The following CAMTA1 variants were observed in gnomAD, a reference collection of about 807,000 sequenced individuals.
CAMTA1 encodes the protein calmodulin-binding transcription activator 1.
A neutral mutation model predicts 170.9 loss-of-function variants in CAMTA1; 27 were observed. The ratio of observed to expected loss-of-function variants is 0.16; its 90% CI spans 0.12 to 0.22. The LOEUF (loss-of-function observed/expected upper bound fraction) is 0.22. Ranked by LOEUF, CAMTA1 falls within the 10% of genes least tolerant of loss-of-function variation. The pLI, the probability that CAMTA1 is intolerant of heterozygous loss-of-function variation, is 1.00. For missense variants in CAMTA1, 1,619 were observed against 2,217.2 expected (o/e 0.73, Z 5.42); for synonymous variants, 833 against 891.5 (o/e 0.93, Z 1.17).
At chr1:7,747,378 A>T (rs1256007979) in intron 18 of CAMTA1, among the ~76,000 whole-genome samples, 1 of 152,232 alleles carries the variant, frequency 6.6e-6, no homozygotes, top group African/African-American at 2.4e-5. Flanking sequence ...TTAATCATTG[A>T]TCCAAAAGTA....
chr1:6,794,501 T>G (rs1433258069), intron 1 of CAMTA1, among the ~76,000 whole-genome samples: 1 of 152,074 alleles, frequency 6.6e-6, no homozygotes, highest in Non-Finnish European at 1.5e-5. Flanking sequence ...TTGCTTAAAT[T>G]AAAAAAAATC....
At chr1:7,177,273 C>T (rs1651048918) in intron 4 of CAMTA1, among the ~76,000 whole-genome samples, 1 of 151,358 alleles carries the variant, frequency 6.6e-6, no homozygotes, top group South Asian at 2.1e-4. Context: ...CCCTTCCCAA[C>T]ACGCAGGCTC....
intron 6 of CAMTA1, among the ~76,000 whole-genome samples, chr1:7,618,875 A>T (rs1228467708): frequency 1.3e-5 from 2 of 152,168 alleles, no homozygotes; most frequent in Admixed American, 1.3e-4. Context: ...TTGGATTTCA[A>T]TGTAGAGCCA....
At chr1:7,741,662 A>G (rs1279534297) in intron 16 of CAMTA1, among the ~76,000 whole-genome samples, 1 of 152,154 alleles carries the variant, frequency 6.6e-6, no homozygotes, top group Admixed American at 6.5e-5. Context: ...TGGGAGGCCA[A>G]GGTGGGAGGA....
At position 7,480,996 on chromosome 1, in the gene CAMTA1, G is replaced by A. The variant is rs547228364; in HGVS notation, c.510+13095G>A. Among the ~76,000 whole-genome samples, 7 of 152,252 alleles carry A rather than the reference G, an allele frequency of 4.6e-5. No homozygotes were observed. The East Asian group carries it at 7.7e-4, about 17-fold the overall frequency. On this transcript the variant is annotated intron_variant, in intron 6 of 22. Transcript: ENST00000303635. ...TGCCTTAGAGCATCGATGGCTCGCC[G>A]TCATGCAGAGGCTCAAGCCAACCCT...
intron 5 of CAMTA1, among the ~76,000 whole-genome samples, chr1:7,332,069 A>G (rs1396985915): frequency 1.3e-5 from 2 of 152,210 alleles, no homozygotes; most frequent in African/African-American, 4.8e-5. Context: ...CTCTGGGATC[A>G]TGCTTCACAG....
chr1:6,940,800 C>A (rs1041727971), intron 3 of CAMTA1, among the ~76,000 whole-genome samples: 1 of 130,320 alleles, frequency 7.7e-6, no homozygotes, highest in African/African-American at 2.9e-5. Context: ...CACACAGCCC[C>A]CTTCCTCACC....
chr1:7,197,835 G>T (rs113281620), intron 4 of CAMTA1, among the ~76,000 whole-genome samples: 1,999 of 152,118 alleles, frequency 0.013, 44 homozygotes, highest in African/African-American at 0.044. Context: ...TTCAAATCCA[G>T]GTCATGCCCC....
At chr1:6,879,034 A>G (rs1367112145) in intron 3 of CAMTA1, among the ~76,000 whole-genome samples, 3 of 152,204 alleles carry the variant, frequency 2.0e-5, no homozygotes, top group Non-Finnish European at 2.9e-5. Flanking sequence ...AGTAATTTCT[A>G]CTTTGCTGAA....
chr1:6,796,730 C>G (rs968949994), intron 1 of CAMTA1, among the ~76,000 whole-genome samples: 4 of 152,116 alleles, frequency 2.6e-5, no homozygotes, highest in Non-Finnish European at 5.9e-5. Context: ...ACTCCGGTTT[C>G]TCCTCTAGGG....
intron 6 of CAMTA1, among the ~76,000 whole-genome samples, chr1:7,556,073 T>C (rs1355570748): frequency 6.6e-6 from 1 of 152,048 alleles, no homozygotes; most frequent in East Asian, 1.9e-4. Flanking sequence ...CCGGGGGCAA[T>C]GTGGGCAGAG....
intron 11 of CAMTA1, among the ~76,000 whole-genome samples, chr1:7,696,301 A>G (rs543361900): frequency 1.3e-5 from 2 of 152,026 alleles, no homozygotes; most frequent in Non-Finnish European, 2.9e-5. Context: ...GGTTCAAGCA[A>G]TTCTCCTGCC....
chr1:7,638,609 T>C (rs1252637639), intron 6 of CAMTA1, among the ~76,000 whole-genome samples: 1 of 151,602 alleles, frequency 6.6e-6, no homozygotes, highest in Non-Finnish European at 1.5e-5. Flanking sequence ...GCCACTGCAC[T>C]CCAGCCTAGG....
intron 6 of CAMTA1, among the ~76,000 whole-genome samples, chr1:7,616,191 G>C (rs768213758): frequency 5.9e-5 from 9 of 152,212 alleles, no homozygotes; most frequent in Admixed American, 2.6e-4. Context: ...ACATTGCTGA[G>C]AGAAACCAAA....
intron 4 of CAMTA1, among the ~76,000 whole-genome samples, chr1:7,129,954 T>A (rs868048250): frequency 3.6e-5 from 5 of 139,180 alleles, no homozygotes; most frequent in East Asian, 2.1e-4. Flanking sequence ...TGTGTGTGTG[T>A]GAGATGGAGT....
chr1:7,746,047 T>G lies in CAMTA1; in HGVS notation c.4573T>G (p.Tyr1525Asp). 6.2e-7 allele frequency: 1 copy of G among 1,614,228 alleles called. No individual in the cohort carries two copies. Among genetic ancestry groups the G allele is most frequent in the Non-Finnish European group, 8.5e-7 (1 of 1,180,030 alleles). Reference sequence around the variant, plus strand: ...GTCTGATCATGAACAGAGAGAACTCTATGAGGCTGCCAGGCTTGTCCAGAC... The same window carrying G: ...GTCTGATCATGAACAGAGAGAACTCGATGAGGCTGCCAGGCTTGTCCAGAC... ...TLSDHEQRELYEAARLVQTAF... is the reference protein window; with the variant it reads ...TLSDHEQRELDEAARLVQTAF... The change falls in exon 18 of 23, where the codon TAT becomes GAT. Residue 1525 changes from tyrosine (Y) to aspartate (D), a missense_variant. This residue lies in a region of CAMTA1 where 128 missense variants were observed against 213.5 expected (regional missense o/e 0.60). Coordinates refer to ENST00000303635, the MANE Select transcript of CAMTA1 (RefSeq NM_015215.4).
chr1:6,936,959 G>C (rs1280916776), intron 3 of CAMTA1, among the ~76,000 whole-genome samples: 1 of 152,060 alleles, frequency 6.6e-6, no homozygotes, highest in Non-Finnish European at 1.5e-5. Flanking sequence ...CTGCACTCCA[G>C]CCTGGGCGAC....
At chr1:7,147,265 A>T (rs915622584) in intron 4 of CAMTA1, among the ~76,000 whole-genome samples, 3 of 152,106 alleles carry the variant, frequency 2.0e-5, no homozygotes, top group African/African-American at 7.2e-5. Flanking sequence ...CTAAAAATAC[A>T]AAAACAAAAT....
chr1:7,136,302 C>T (rs1052320014), intron 4 of CAMTA1, among the ~76,000 whole-genome samples: 9 of 152,240 alleles, frequency 5.9e-5, no homozygotes, highest in African/African-American at 1.9e-4. Flanking sequence ...TGTCTGCACC[C>T]ACACGGCAGC....
Sources: allele counts gnomAD v4.1 joint callset (sites outside exome capture counted in the v4.1 genomes callset), GRCh38; gene constraint gnomAD v4.1.1; regional missense constraint gnomAD v4.1.1; transcripts MANE v1.5; gene names NCBI Gene and HGNC (gene_info 2026-07-23, HGNC 2026-07-21).